INTS11: variants seen among roughly 807,000 people sequenced by gnomAD.
INTS11 encodes CPSF3-like protein.
In INTS11, 77 loss-of-function variants were observed where a neutral mutation model predicts 78.6. The ratio of observed to expected loss-of-function variants is 0.98; its 90% CI spans 0.81 to 1.18. INTS11 has a LOEUF of 1.18. INTS11 is among the 50% of genes most tolerant of loss of function. The pLI is 0.00. For synonymous variants in INTS11, 441 were observed against 326.9 expected (o/e 1.35, Z -3.77); for missense variants, 875 against 825.9 (o/e 1.06, Z -0.73).
At chr1:1,324,087 GCTGAGAGGCTGGGGA>G (rs1643157664) in intron 1 of INTS11, among the ~76,000 whole-genome samples, 1 of 110,186 alleles carries the variant, frequency 9.1e-6, no homozygotes, top group South Asian at 3.6e-4. Context: ...GGGCTGGGAG[GCTGAGAGGCTGGGGA>G]GCTGGGGGGC....
At chr1:1,313,381 CCAG>C (rs1025247113) in intron 10 of INTS11, 125 bp downstream of exon 10, 38 of 1,114,144 alleles carry the variant, frequency 3.4e-5, no homozygotes, top group Non-Finnish European at 4.0e-5. Flanking sequence ...CCCCCGTTCC[CCAG>C]CAGCAGCAGC....
chr1:1,314,598 C>T lies in INTS11; in HGVS notation c.702+226G>A. ...GAGCTGCATGAGAGACAGAAGGAGC[C>T]TGGCCAGGGCTTCGTCCGCACCTGA... is the stretch of plus-strand genomic sequence containing the variant. On this transcript the variant is annotated intron_variant, in intron 7 of 16. Coordinates refer to ENST00000435064, the MANE Select transcript of INTS11 (RefSeq NM_017871.6). The surrounding 1 kb of genome is among the most constrained non-coding windows in gnomAD (Gnocchi z 4.2). 1.5e-6 allele frequency: 1 copy of T among 647,474 alleles called. No individual in the cohort carries two copies. The highest frequency in any genetic ancestry group is 2.6e-6 in the Non-Finnish European group (1 of 381,324). 40.1% of individuals were successfully genotyped at this position (647,474 alleles called of 1,614,324 possible). A position where few individuals can be genotyped will look rare whatever the true frequency, so the allele number is the denominator to read the frequency against.
chr1:1,321,887 T>C (rs2100635890), intron 1 of INTS11: 3 of 1,324,064 alleles, frequency 2.3e-6, no homozygotes, highest in South Asian at 1.9e-5. Context: ...GTGAACAGTT[T>C]TCCCCTTGAA....
Position 1,314,783 on chromosome 1 carries a change from G to C in INTS11, c.702+41C>G. 2.5e-6 allele frequency: 4 copies of C among 1,587,662 alleles called. No individual in the cohort carries two copies. Among genetic ancestry groups the C allele is most frequent in the Non-Finnish European group, 3.4e-6 (4 of 1,161,596 alleles). On this transcript the variant is annotated intron_variant, in intron 7 of 16. Transcript: ENST00000435064. This position sits in a 1 kb window ranked among gnomAD's most constrained non-coding sequence, Gnocchi z 4.2. ...CAAGCCTGCCAGAAAGACCAGCCCA[G>C]CATGGCCGAGGGCCCATGTCCCCAC... is the stretch of plus-strand genomic sequence containing the variant.
rs879279718 is a variant in INTS11 at position 1,321,844 on chromosome 1, C to G, written c.29-751G>C. 3.3e-6 allele frequency: 4 copies of G among 1,204,942 alleles called. No homozygotes were observed. The African/African-American group carries it at 6.3e-5, about 19-fold the overall frequency. 74.6% of individuals were successfully genotyped at this position (1,204,942 alleles called of 1,614,324 possible). A position where few individuals can be genotyped will look rare whatever the true frequency, so the allele number is the denominator to read the frequency against. On this transcript the variant is annotated intron_variant, in intron 1 of 16. Coordinates refer to ENST00000435064, the MANE Select transcript of INTS11 (RefSeq NM_017871.6). ...CGAGAGGAAAGGGTCACGGCCCCTGCACAGACTGTGCCTGGGCAGGAGTCT... is the reference window on the plus strand; with the variant it reads ...CGAGAGGAAAGGGTCACGGCCCCTGGACAGACTGTGCCTGGGCAGGAGTCT...
In INTS11 at chr1:1,312,198, T is replaced by TGGGC. The variant is rs1553166752; in HGVS notation, c.1607+27_1607+28insGCCC. Reference sequence around the variant, plus strand: ...GCCTGGCCTCCAGGGCCCAAGGGAGTGGGGGGGGGGCGGGGCCGGGCGCCC... The same window carrying TGGGC: ...GCCTGGCCTCCAGGGCCCAAGGGAGTGGGCGGGGGGGGGGCGGGGCCGGGCGCCC... On this transcript the variant is annotated intron_variant, in intron 15 of 16. Transcript: ENST00000435064. 5.6e-5 allele frequency: 60 copies of TGGGC among 1,080,924 alleles called. 2 individuals are homozygous for TGGGC. The highest frequency in any genetic ancestry group is 6.8e-5 in the Non-Finnish European group (55 of 805,952). 67.0% of individuals were successfully genotyped at this position (1,080,924 alleles called of 1,614,324 possible).
In INTS11 at chr1:1,319,285, G is replaced by A. The variant is rs567093665; in HGVS notation, c.429+11C>T. The A allele has an allele frequency of 1.6e-5, 26 of 1,605,702 alleles. No homozygotes were observed. The South Asian group carries it at 2.7e-4, about 17-fold the overall frequency. On this transcript the variant is annotated intron_variant, in intron 4 of 16. Coordinates refer to ENST00000435064, the MANE Select transcript of INTS11 (RefSeq NM_017871.6). ...CAGTGACTGTGCCAGCTGTGGCCCT[G>A]GGAACCTGACCTGGACCGTCTGGTG...
At position 1,312,213 on chromosome 1, in the gene INTS11, G is replaced by GCCGGGCCCCCCCCCGCCC; in HGVS notation, c.1607+12_1607+13insGGGCGGGGGGGGGCCCGG. On this transcript the variant is annotated intron_variant, in intron 15 of 16. Coordinates refer to ENST00000435064, the MANE Select transcript of INTS11 (RefSeq NM_017871.6). ...CCCAAGGGAGTGGGGGGGGGGCGGG[G>GCCGGGCCCCCCCCCGCCC]CCGGGCGCCCACCTCTTGAGGTGGC... is the stretch of plus-strand genomic sequence containing the variant. 1.1e-6 allele frequency: 1 copy of GCCGGGCCCCCCCCCGCCC among 934,622 alleles called. No individual in the cohort carries two copies. The allele number at this position is 934,622 out of a possible 1,614,324, so 57.9% of individuals were successfully genotyped here.
Position 1,319,488 on chromosome 1 carries a change from G to T in INTS11, c.237C>A (p.Tyr79Ter). 1 of 1,601,862 alleles carries T rather than the reference G, an allele frequency of 6.2e-7. No homozygotes were observed. Among genetic ancestry groups the T allele is most frequent in the Non-Finnish European group, 8.5e-7 (1 of 1,173,710 alleles). Residue 79 changes from tyrosine to a stop codon, truncating the protein, a stop_gained, in exon 4 of 17, where the codon TAC becomes TAA. Coordinates refer to ENST00000435064, the MANE Select transcript of INTS11 (RefSeq NM_017871.6). LOFTEE classifies it high-confidence loss of function. ...CGTCGTAGCCCACCATCTCGCTGAA[G>T]TAGGGGAGTGCCCCGCAGTGGTCCA... ...FHLDHCGALPYFSEMVGYDGP... is the reference protein window; with the variant it reads ...FHLDHCGALP
Position 1,311,811 on chromosome 1 carries a change from T to G in INTS11, c.*48A>C. ...AGTCCTGAAGTGCAGGCCCAGGGTC[T>G]GTCCAGCTGGGAGAGGGCAGAGGTG... On this transcript the variant is annotated 3_prime_UTR_variant, in exon 17 of 17. Transcript: ENST00000435064. The G allele has an allele frequency of 6.6e-7, 1 of 1,514,700 alleles. No homozygotes were observed. The highest frequency in any genetic ancestry group is 8.9e-7 in the Non-Finnish European group (1 of 1,125,636). The allele number at this position is 1,514,700 out of a possible 1,614,324, so 93.8% of individuals were successfully genotyped here.
intron 1 of INTS11, chr1:1,321,800 C>T: frequency 2.5e-6 from 2 of 800,414 alleles, no homozygotes; most frequent in Non-Finnish European, 3.5e-6. Context: ...ACTCAGCCCC[C>T]TCATGTGGCC....
intron 4 of INTS11, chr1:1,316,315 A>G (rs1473379145): frequency 6.5e-6 from 1 of 153,270 alleles, no homozygotes; most frequent in East Asian, 1.9e-4. Flanking sequence ...TGGGCTGGGC[A>G]CAGTGGCTCA....
In INTS11 at chr1:1,321,054, G is replaced by C. The variant is rs376372283; in HGVS notation, c.68C>G (p.Ser23Cys). The C allele has an allele frequency of 3.7e-5, 60 of 1,612,922 alleles. No individual in the cohort carries two copies. The highest frequency in any genetic ancestry group is 6.7e-5 in the Admixed American group (4 of 60,000). ...CAGCATGACATTCTTGCCCGCAATG[G>C]AGACCAGGATGCAGCTTCGGCCCAC... Reference protein sequence around the residue: ...QDVGRSCILVSIAGKNVMLDC... With the variant: ...QDVGRSCILVCIAGKNVMLDC... Residue 23 changes from serine (S) to cysteine (C), a missense_variant, in exon 2 of 17, where the codon TCC (serine) becomes TGC (cysteine). Coordinates refer to ENST00000435064, the MANE Select transcript of INTS11 (RefSeq NM_017871.6).
chr1:1,312,211 G>GGGCC lies in INTS11; in HGVS notation c.1607+11_1607+14dup. The GGGCC allele has an allele frequency of 1.1e-6, 1 of 935,632 alleles. No individual in the cohort carries two copies. Among genetic ancestry groups the GGGCC allele is most frequent in the Non-Finnish European group, 1.6e-6 (1 of 623,138 alleles). The allele number at this position is 935,632 out of a possible 1,614,324, so 58.0% of individuals were successfully genotyped here. Reference sequence around the variant, plus strand: ...GGCCCAAGGGAGTGGGGGGGGGGCGGGGCCGGGCGCCCACCTCTTGAGGTG... The same window carrying GGGCC: ...GGCCCAAGGGAGTGGGGGGGGGGCGGGGCCGGCCGGGCGCCCACCTCTTGAGGTG... On this transcript the variant is annotated intron_variant, in intron 15 of 16. Transcript: ENST00000435064.
At chr1:1,322,098 C>G in intron 1 of INTS11, 1 of 599,622 alleles carries the variant, frequency 1.7e-6, no homozygotes, top group Non-Finnish European at 2.6e-6. Context: ...TCTCCTACCC[C>G]AAGCCACGCC....
Position 1,312,213 on chromosome 1 carries a change from G to GGCCCCCCCCCCCCCC in INTS11, c.1607+12_1607+13insGGGGGGGGGGGGGGC. On this transcript the variant is annotated intron_variant, in intron 15 of 16. Transcript: ENST00000435064. ...CCCAAGGGAGTGGGGGGGGGGCGGG[G>GGCCCCCCCCCCCCCC]CCGGGCGCCCACCTCTTGAGGTGGC... The GGCCCCCCCCCCCCCC allele has an allele frequency of 1.5e-5, 14 of 933,622 alleles. No individual in the cohort carries two copies. The highest frequency in any genetic ancestry group is 8.8e-5 in the East Asian group (3 of 34,220). 57.8% of individuals were successfully genotyped at this position (933,622 alleles called of 1,614,324 possible).
In INTS11 at chr1:1,314,051, C is replaced by T. The variant is rs549713331; in HGVS notation, c.768-130G>A. ...CGGGCCAGGTTGAGTCCAGTCGCGA[C>T]CACTTGTCCCATTAAGCCCTGCAGC... is the stretch of plus-strand genomic sequence containing the variant. On this transcript the variant is annotated intron_variant, in intron 8 of 16. Coordinates refer to ENST00000435064, the MANE Select transcript of INTS11 (RefSeq NM_017871.6). This position sits in a 1 kb window ranked among gnomAD's most constrained non-coding sequence, Gnocchi z 4.2. 4.5e-5 allele frequency: 42 copies of T among 941,138 alleles called. No individual in the cohort carries two copies. In the South Asian group the frequency reaches 6.6e-4, roughly 15 times the overall value. 58.3% of individuals were successfully genotyped at this position (941,138 alleles called of 1,614,324 possible).
At chr1:1,322,759 G>C (rs1332512037) in intron 1 of INTS11, 1 of 397,042 alleles carries the variant, frequency 2.5e-6, no homozygotes, top group Non-Finnish European at 3.4e-6. Flanking sequence ...CGGCGGGGGG[G>C]GTAGCCACAC....
In INTS11 at chr1:1,312,213, G is replaced by GGGGGGGGGT; in HGVS notation, c.1607+12_1607+13insACCCCCCCC. On this transcript the variant is annotated intron_variant, in intron 15 of 16. Coordinates refer to ENST00000435064, the MANE Select transcript of INTS11 (RefSeq NM_017871.6). ...CCCAAGGGAGTGGGGGGGGGGCGGGGCCGGGCGCCCACCTCTTGAGGTGGC... is the reference window on the plus strand; with the variant it reads ...CCCAAGGGAGTGGGGGGGGGGCGGGGGGGGGGGGTCCGGGCGCCCACCTCTTGAGGTGGC... The GGGGGGGGGT allele has an allele frequency of 1.1e-6, 1 of 934,630 alleles. No individual in the cohort carries two copies. The highest frequency in any genetic ancestry group is 1.6e-6 in the Non-Finnish European group (1 of 636,678). The allele number at this position is 934,630 out of a possible 1,614,324, so 57.9% of individuals were successfully genotyped here. A position where few individuals can be genotyped will look rare whatever the true frequency, so the allele number is the denominator to read the frequency against.
Sources: gnomAD v4.1 joint callset for allele counts (sites outside exome capture counted in the v4.1 genomes callset) on GRCh38, gnomAD v4.1.1 for gene constraint, Gnocchi (gnomAD v3.1) non-coding constraint, MANE v1.5 for transcripts, NCBI Gene and HGNC (gene_info 2026-07-23, HGNC 2026-07-21) for gene names.